DGKB: variants seen among roughly 807,000 people sequenced by gnomAD.
DGKB encodes 90 kDa diacylglycerol kinase.
A neutral mutation model predicts 114.3 loss-of-function variants in DGKB; 67 were observed. The observed-to-expected ratio is 0.59, with a 90% confidence interval of 0.48 to 0.72. DGKB has a LOEUF of 0.72. Among genes scored for constraint, DGKB ranks in the 30% least tolerant of loss-of-function variants. The pLI, the probability that DGKB is intolerant of heterozygous loss-of-function variation, is 0.00. For synonymous variants in DGKB, 398 were observed against 323.1 expected (o/e 1.23, Z -2.49); for missense variants, 907 against 975.2 (o/e 0.93, Z 0.93).
chr7:14,651,392 A>G (rs1208966422), intron 13 of DGKB, among the ~76,000 whole-genome samples: 1 of 148,968 alleles, frequency 6.7e-6, no homozygotes, highest in Admixed American at 6.8e-5. Flanking sequence ...AGCCAAAGAC[A>G]AAAACCACAT....
At chr7:14,689,206 T>TTA in intron 9 of DGKB, among the ~76,000 whole-genome samples, 1 of 122,762 alleles carries the variant, frequency 8.1e-6, no homozygotes, top group Admixed American at 8.2e-5. Context: ...CTTATTTTTT[T>TTA]TTTTTTTTTT....
At chr7:14,174,610 C>T (rs926367321) in intron 25 of DGKB, among the ~76,000 whole-genome samples, 9 of 152,002 alleles carry the variant, frequency 5.9e-5, no homozygotes, top group African/African-American at 1.7e-4. Flanking sequence ...TTAAAAACAC[C>T]GCTACCAACC....
chr7:14,675,736 CAG>C (rs1819744925), intron 12 of DGKB, among the ~76,000 whole-genome samples: 3 of 151,956 alleles, frequency 2.0e-5, no homozygotes, highest in Non-Finnish European at 4.4e-5. Flanking sequence ...ATCTGTTAAA[CAG>C]AGTCACACAA....
chr7:14,328,327 T>C (rs937257862), intron 23 of DGKB, among the ~76,000 whole-genome samples: 1 of 152,062 alleles, frequency 6.6e-6, no homozygotes, highest in African/African-American at 2.4e-5. Context: ...GAAAATATTG[T>C]TATGTTTGTG....
chr7:14,199,076 T>A (rs866784705), intron 23 of DGKB, among the ~76,000 whole-genome samples: 1 of 152,030 alleles, frequency 6.6e-6, no homozygotes, highest in African/African-American at 2.4e-5. Context: ...GTACTGACCT[T>A]AGATTGTGAT....
At chr7:14,792,432 CT>C (rs1840794787) in intron 2 of DGKB, among the ~76,000 whole-genome samples, 1 of 152,048 alleles carries the variant, frequency 6.6e-6, no homozygotes, top group Non-Finnish European at 1.5e-5. Context: ...CAGGGAAGGC[CT>C]GGGACTAGGC....
chr7:14,274,874 A>C (rs993475876), intron 23 of DGKB, among the ~76,000 whole-genome samples: 1 of 151,680 alleles, frequency 6.6e-6, no homozygotes, highest in African/African-American at 2.4e-5. Context: ...CTCACCTCTA[A>C]ATCCTATCAC....
At chr7:14,960,113 A>G (rs1308329372) in intron 1 of DGKB, among the ~76,000 whole-genome samples, 3 of 152,074 alleles carry the variant, frequency 2.0e-5, no homozygotes, top group African/African-American at 7.2e-5. Flanking sequence ...GACAACTGCG[A>G]AGTTACAGAT....
intron 12 of DGKB, among the ~76,000 whole-genome samples, chr7:14,681,164 A>G (rs1238213587): frequency 6.6e-6 from 1 of 152,042 alleles, no homozygotes; most frequent in Non-Finnish European, 1.5e-5. Flanking sequence ...AAAATGAAGT[A>G]GTTATGATCT....
chr7:14,618,733 A>G (rs990427636), intron 15 of DGKB, among the ~76,000 whole-genome samples: 2 of 151,540 alleles, frequency 1.3e-5, no homozygotes, highest in African/African-American at 4.8e-5. Context: ...CTAATTAGAA[A>G]TAATAATCCT....
At chr7:14,928,693 T>C (rs779181886) in intron 1 of DGKB, among the ~76,000 whole-genome samples, 20 of 151,990 alleles carry the variant, frequency 1.3e-4, no homozygotes, top group Non-Finnish European at 1.9e-4. Flanking sequence ...TTGCATAAAT[T>C]TATGGGGGAC....
intron 20 of DGKB, among the ~76,000 whole-genome samples, chr7:14,518,168 G>A (rs1161899478): frequency 1.3e-5 from 2 of 152,082 alleles, no homozygotes; most frequent in African/African-American, 4.8e-5. Flanking sequence ...GCAGCAGCAT[G>A]GATGGAACTA....
At chr7:14,571,596 A>G (rs1270304160) in intron 20 of DGKB, among the ~76,000 whole-genome samples, 1 of 152,236 alleles carries the variant, frequency 6.6e-6, no homozygotes, top group Non-Finnish European at 1.5e-5. Flanking sequence ...GCAAGGCTAC[A>G]CAAATGCTCA....
At chr7:14,459,512 G>T (rs985527613) in intron 21 of DGKB, among the ~76,000 whole-genome samples, 1 of 152,056 alleles carries the variant, frequency 6.6e-6, no homozygotes, top group African/African-American at 2.4e-5. Context: ...AGAGACTGAA[G>T]ATCAACTTAA....
rs577446649 is a variant in DGKB, at chr7:14,287,579, T to C, written c.2122+50936A>G. ...GTCTACATGACTGATAATGAAACTGTGTCACTATAAATACAAGAGTAGTAT... is the reference window on the plus strand; with the variant it reads ...GTCTACATGACTGATAATGAAACTGCGTCACTATAAATACAAGAGTAGTAT... On this transcript the variant is annotated intron_variant, in intron 23 of 25. Coordinates refer to ENST00000402815, the MANE Select transcript of DGKB (RefSeq NM_001350709.2). Among the ~76,000 whole-genome samples, 7 of 151,692 alleles carry C rather than the reference T, an allele frequency of 4.6e-5. No homozygotes were observed. In the South Asian group the frequency reaches 1.2e-3, roughly 27 times the overall value.
intron 1 of DGKB, among the ~76,000 whole-genome samples, chr7:14,888,627 A>C (rs1053439749): frequency 6.6e-6 from 1 of 151,784 alleles, no homozygotes; most frequent in Non-Finnish European, 1.5e-5. Flanking sequence ...TGAAACTGGA[A>C]TACCAATAAA....
At chr7:14,643,859 AT>A (rs1812350572) in intron 13 of DGKB, among the ~76,000 whole-genome samples, 1 of 152,150 alleles carries the variant, frequency 6.6e-6, no homozygotes, top group African/African-American at 2.4e-5. Context: ...CTCCTCAGGA[AT>A]TGCTACCACT....
At chr7:14,346,012 T>A (rs1583314285) in intron 21 of DGKB, among the ~76,000 whole-genome samples, 1 of 151,394 alleles carries the variant, frequency 6.6e-6, no homozygotes. Flanking sequence ...TGAAATTTTA[T>A]TCTTGTGAAA....
intron 4 of DGKB, chr7:14,750,258 A>T (rs1833915538): frequency 2.1e-6 from 1 of 467,242 alleles, no homozygotes; most frequent in Non-Finnish European, 4.3e-6. Context: ...ACATGGTATA[A>T]GGTAATTTCC....
Sources: allele counts gnomAD v4.1 joint callset (sites outside exome capture counted in the v4.1 genomes callset), GRCh38; gene constraint gnomAD v4.1.1; transcripts MANE v1.5; gene names NCBI Gene and HGNC (gene_info 2026-07-23, HGNC 2026-07-21).